The following UPRT variants were observed in gnomAD, a reference collection of about 807,000 sequenced individuals.
UPRT encodes uracil phosphoribosyltransferase homolog.
A neutral mutation model predicts 22.6 loss-of-function variants in UPRT; 5 were observed. The ratio of observed to expected loss-of-function variants is 0.22; its 90% CI spans 0.12 to 0.47. The LOEUF (loss-of-function observed/expected upper bound fraction) is 0.47. Ranked by LOEUF, UPRT falls within the 20% of genes least tolerant of loss-of-function variation. UPRT has a pLI of 0.99. For missense variants in UPRT, 181 were observed against 239.9 expected, an observed-to-expected ratio of 0.75 and a Z score of 1.62; for synonymous variants, 77 against 87.7, an observed-to-expected ratio of 0.88 and a Z score of 0.68.
chrX:75,244,229 A>T (rs2082496846), intron 4 of UPRT, among the ~76,000 whole-genome samples: 1 of 111,325 alleles, frequency 9.0e-6, no homozygotes, highest in Non-Finnish European at 1.9e-5. Flanking sequence ...ATCCCACCAA[A>T]AACTGGGATA....
At chrX:75,211,102 C>T (rs753103557) in intron 4 of UPRT, among the ~76,000 whole-genome samples, 1 of 110,179 alleles carries the variant, frequency 9.1e-6, no homozygotes, top group Non-Finnish European at 1.9e-5. Context: ...AGATGAGACA[C>T]CCGAGAGTGG....
At chrX:75,207,742 C>T (rs1012895739) in intron 4 of UPRT, among the ~76,000 whole-genome samples, 10 of 111,228 alleles carry the variant, frequency 9.0e-5, no homozygotes, top group African/African-American at 2.3e-4. Flanking sequence ...GCAATGTGAC[C>T]GCACCCAATA....
intron 4 of UPRT, among the ~76,000 whole-genome samples, chrX:75,181,487 A>G (rs963659540): frequency 9.0e-6 from 1 of 111,213 alleles, no homozygotes; most frequent in African/African-American, 3.3e-5. Context: ...GTGAGCGTGG[A>G]ATGTTTTTCC....
intron 4 of UPRT, among the ~76,000 whole-genome samples, chrX:75,207,728 G>T (rs1453382522): frequency 9.0e-6 from 1 of 111,525 alleles, no homozygotes; most frequent in African/African-American, 3.3e-5. Flanking sequence ...TGCCTCTGAG[G>T]CCAGCAATGT....
intron 3 of UPRT, among the ~76,000 whole-genome samples, chrX:75,297,212 G>A (rs2082728953): frequency 8.9e-6 from 1 of 111,914 alleles, no homozygotes; most frequent in African/African-American, 3.2e-5. Context: ...AATTCAGTTT[G>A]AGGAATGTGT....
At chrX:75,198,751 A>G (rs2082339703) in intron 4 of UPRT, among the ~76,000 whole-genome samples, 1 of 111,509 alleles carries the variant, frequency 9.0e-6, no homozygotes, top group Admixed American at 9.5e-5. Flanking sequence ...TTTTTAGTTT[A>G]TATCACTGAA....
intron 4 of UPRT, among the ~76,000 whole-genome samples, chrX:75,191,147 T>C (rs2082313499): frequency 8.9e-6 from 1 of 112,156 alleles, no homozygotes; most frequent in Admixed American, 9.4e-5. Flanking sequence ...GACGTACAGA[T>C]GGGGTTTTGG....
intron 4 of UPRT, among the ~76,000 whole-genome samples, chrX:75,258,309 G>T (rs1449096437): frequency 9.3e-6 from 1 of 107,685 alleles, no homozygotes; most frequent in Non-Finnish European, 1.9e-5. Context: ...TGAAGCCAGG[G>T]AGCCAACTGG....
rs755344782 is a variant in UPRT, at chrX:75,211,479, A to C, written c.-447+43600A>C. Among the ~76,000 whole-genome samples the C allele has an allele frequency of 6.3e-5, 7 of 111,578 alleles. No homozygotes were observed. The South Asian group carries it at 2.7e-3, about 43-fold the overall frequency. On this transcript the variant is annotated intron_variant, in intron 4 of 13. Transcript: ENST00000652605. ...TCGGAAAGGAGGAAAAGGGAGACTCACCCACTAATTGGAGATTGGTGTTGG... is the reference window on the plus strand; with the variant it reads ...TCGGAAAGGAGGAAAAGGGAGACTCCCCCACTAATTGGAGATTGGTGTTGG...
At chrX:75,265,605 C>G (rs1281507107) in intron 4 of UPRT, among the ~76,000 whole-genome samples, 1 of 111,467 alleles carries the variant, frequency 9.0e-6, no homozygotes, top group Non-Finnish European at 1.9e-5. Context: ...ATGTTTTTAA[C>G]TTCTTTGCCA....
intron 4 of UPRT, among the ~76,000 whole-genome samples, chrX:75,209,852 G>T (rs951262578): frequency 1.8e-5 from 2 of 112,380 alleles, no homozygotes; most frequent in Non-Finnish European, 3.8e-5. Flanking sequence ...CCAGCATCTG[G>T]TATTTAGCCT....
chrX:75,225,327 A>ACG (rs2147638388), intron 4 of UPRT, among the ~76,000 whole-genome samples: 1 of 96,785 alleles, frequency 1.0e-5, no homozygotes, highest in Admixed American at 1.1e-4. Flanking sequence ...CAAAAACCAC[A>ACG]CACACACACA....
At chrX:75,254,800 G>A (rs1302065243) in intron 4 of UPRT, among the ~76,000 whole-genome samples, 4 of 83,267 alleles carry the variant, frequency 4.8e-5, no homozygotes, top group South Asian at 6.7e-4. Context: ...ACGGAGTCTC[G>A]CTCTGTCGCC....
intron 4 of UPRT, among the ~76,000 whole-genome samples, chrX:75,206,513 G>T (rs896812882): frequency 9.0e-6 from 1 of 111,117 alleles, no homozygotes; most frequent in African/African-American, 3.3e-5. Flanking sequence ...AAAAATGGTT[G>T]TGCACATATG....
intron 4 of UPRT, among the ~76,000 whole-genome samples, chrX:75,230,967 A>G (rs2082436513): frequency 8.9e-6 from 1 of 112,023 alleles, no homozygotes; most frequent in African/African-American, 3.2e-5. Context: ...CTTGAGTTCC[A>G]GAACATTCCA....
At chrX:75,199,964 G>A (rs761391972) in intron 4 of UPRT, among the ~76,000 whole-genome samples, 6 of 111,684 alleles carry the variant, frequency 5.4e-5, no homozygotes, top group African/African-American at 2.0e-4. Flanking sequence ...ATGTTTGTTG[G>A]CTGCATAAAT....
At chrX:75,160,432 A>G (rs1189620576) in intron 1 of UPRT, among the ~76,000 whole-genome samples, 1 of 112,025 alleles carries the variant, frequency 8.9e-6, no homozygotes, top group Non-Finnish European at 1.9e-5. Context: ...TAAAAAATGC[A>G]GCCCAAAATT....
At chrX:75,241,168 C>T (rs2082487179) in intron 4 of UPRT, among the ~76,000 whole-genome samples, 2 of 111,022 alleles carry the variant, frequency 1.8e-5, no homozygotes, top group Admixed American at 1.9e-4. Context: ...TCTTCACAAG[C>T]TATGCATCCA....
At chrX:75,234,739 G>A (rs1417052138) in intron 4 of UPRT, among the ~76,000 whole-genome samples, 2 of 110,630 alleles carry the variant, frequency 1.8e-5, no homozygotes, top group African/African-American at 3.3e-5. Context: ...TGAAACCAAC[G>A]AGAACAAAGA....
Sources: allele counts gnomAD v4.1 joint callset (sites outside exome capture counted in the v4.1 genomes callset), GRCh38; gene constraint gnomAD v4.1.1; transcripts MANE v1.5; gene names NCBI Gene and HGNC (gene_info 2026-07-23, HGNC 2026-07-21).